RASA2: variants seen among roughly 807,000 people sequenced by gnomAD.
RASA2 encodes ras GTPase-activating protein 2.
A neutral mutation model predicts 118.2 loss-of-function variants in RASA2; 155 were observed. The ratio of observed to expected loss-of-function variants is 1.31; its 90% confidence interval spans 1.15 to 1.50. The LOEUF is 1.50. Among genes scored for constraint, RASA2 ranks in the 40% most tolerant of loss-of-function variants. The probability of loss-of-function intolerance (pLI) is 0.00; values close to 1 mark genes in which losing one functional copy is unlikely to be tolerated. For synonymous variants in RASA2, 353 were observed against 349.1 expected (o/e 1.01, Z -0.12); for missense variants, 1,016 against 1,009.6 (o/e 1.01, Z -0.09).
chr3:141,608,742 A>G (rs754739073), intron 21 of RASA2, 45 bp downstream of exon 21: 2 of 1,542,170 alleles, frequency 1.3e-6, no homozygotes, highest in South Asian at 1.1e-5. Flanking sequence ...AAAATTTGAT[A>G]TATCCATGCA....
At chr3:141,532,952 C>G (rs1160919966) in intron 4 of RASA2, among the ~76,000 whole-genome samples, 1 of 151,816 alleles carries the variant, frequency 6.6e-6, no homozygotes, top group African/African-American at 2.4e-5. Context: ...CAGTCTTTCC[C>G]TCTCATTTTA....
At chr3:141,608,834 A>G in intron 21 of RASA2, 137 bp downstream of exon 21, 1 of 918,508 alleles carries the variant, frequency 1.1e-6, no homozygotes, top group African/African-American at 1.7e-5. Flanking sequence ...AAATTATGCT[A>G]AGTGAAAGAA....
chr3:141,586,366 G>T lies in RASA2; in HGVS notation c.1826+268G>T, dbSNP rs191307424. Among the ~76,000 whole-genome samples the T allele has an allele frequency of 2.2e-3, 340 of 152,166 alleles. 6 individuals are homozygous for T. Among genetic ancestry groups the T allele is most frequent in the Admixed American group, 0.021 (323 of 15,294 alleles). ...CTTTTAAAAAGTAACAGCACTATTA[G>T]TCTTAATGTAAAGTGTTTATTATAA... On this transcript the variant is annotated intron_variant, in intron 18 of 23. Transcript: ENST00000286364.
In RASA2 at chr3:141,529,724, A is replaced by G. The variant is rs1383229717; in HGVS notation, c.372A>G (p.Lys124=). 2.5e-6 allele frequency: 4 copies of G among 1,611,218 alleles called. No homozygotes were observed. In the East Asian group the frequency reaches 8.9e-5, roughly 36 times the overall value. The change falls in exon 4 of 24, where the codon AAA becomes AAG. Residue 124 remains lysine, a synonymous_variant. Transcript: ENST00000286364. ...TTTCTGTAGGAAAAGTAGCCATCAA[A>G]AAAGAAGACTTGTGTAATCACAGTG... ...RDLRIGKVAI[K]KEDLCNHSGK...
intron 1 of RASA2, among the ~76,000 whole-genome samples, chr3:141,493,572 C>G (rs1284016274): frequency 6.6e-6 from 1 of 152,102 alleles, no homozygotes; most frequent in Non-Finnish European, 1.5e-5. Flanking sequence ...GCCACATACC[C>G]TACCTAAATG....
At position 141,571,425 on chromosome 3, in the gene RASA2, C is replaced by T; in HGVS notation, c.1040C>T (p.Ala347Val). ...ATTTAGCCAATATCTGCCTCAGCTGCTTACATTTTGAGTGAAATATGTCGA... is the reference window on the plus strand; with the variant it reads ...ATTTAGCCAATATCTGCCTCAGCTGTTTACATTTTGAGTGAAATATGTCGA... The part of the protein sequence containing the change: ...PDVQPISASA[A>V]YILSEICRDK... The change falls in exon 11 of 24, where the codon GCT becomes GTT. Residue 347 changes from alanine (A) to valine (V), a missense_variant. Coordinates refer to ENST00000286364, the MANE Select transcript of RASA2 (RefSeq NM_006506.5). The T allele has an allele frequency of 6.2e-7, 1 of 1,613,574 alleles. No homozygotes were observed. Among genetic ancestry groups the T allele is most frequent in the Non-Finnish European group, 8.5e-7 (1 of 1,179,804 alleles).
chr3:141,572,568 C>G (rs756854466), intron 11 of RASA2, 41 bp from the exon 12 acceptor site: 1 of 1,431,788 alleles, frequency 7.0e-7, no homozygotes, highest in Admixed American at 1.7e-5. Context: ...GGTTTCAAAA[C>G]CTTTGTTTAC....
intron 16 of RASA2, 100 bp downstream of exon 16, chr3:141,580,551 A>AACAGAC: frequency 1.4e-6 from 1 of 714,402 alleles, no homozygotes; most frequent in Non-Finnish European, 2.3e-6. Flanking sequence ...TTAAAAACAA[A>AACAGAC]ACATACACAC....
At chr3:141,564,007 T>C (rs1168920729) in intron 9 of RASA2, among the ~76,000 whole-genome samples, 4 of 151,564 alleles carry the variant, frequency 2.6e-5, no homozygotes, top group African/African-American at 9.7e-5. Context: ...AGATGAGATA[T>C]TTTGTCTATG....
In RASA2 at chr3:141,609,896, AG is replaced by A; in HGVS notation, c.2350del (p.Val784SerfsTer16). The A allele has an allele frequency of 6.3e-7, 1 of 1,577,886 alleles. No individual in the cohort carries two copies. Among genetic ancestry groups the A allele is most frequent in the Non-Finnish European group, 8.6e-7 (1 of 1,166,520 alleles). ...KMEEACGTIAVYQGPQKEPDD... is the reference protein window; with the variant it reads ...KMEEACGTIAXYQGPQKEPDD... The stretch of plus-strand genomic sequence containing the variant: ...TTGTAGAGGCTTGTGGAACTATTGC[AG>A]TCTATCAAGGACCACAGAAAGAGCC... On this transcript the variant is annotated frameshift_variant, in exon 23 of 24. Coordinates refer to ENST00000286364, the MANE Select transcript of RASA2 (RefSeq NM_006506.5). LOFTEE classifies it high-confidence loss of function.
intron 19 of RASA2, among the ~76,000 whole-genome samples, chr3:141,595,256 A>C (rs1037215603): frequency 2.6e-5 from 4 of 152,262 alleles, no homozygotes; most frequent in African/African-American, 9.6e-5. Flanking sequence ...AAACCCAGCC[A>C]TATCAATAAT....
chr3:141,608,739 G>C (rs1439098122), intron 21 of RASA2, 42 bp downstream of exon 21: 1 of 1,552,214 alleles, frequency 6.4e-7, no homozygotes, highest in Non-Finnish European at 8.9e-7. Context: ...GTCAAAATTT[G>C]ATATATCCAT....
intron 5 of RASA2, among the ~76,000 whole-genome samples, chr3:141,544,416 A>G (rs1193789814): frequency 6.6e-6 from 1 of 152,012 alleles, no homozygotes; most frequent in Non-Finnish European, 1.5e-5. Flanking sequence ...ACAGTCCCAG[A>G]GGTCCCCCTG....
intron 3 of RASA2, among the ~76,000 whole-genome samples, chr3:141,519,386 G>A (rs998489774): frequency 3.3e-5 from 5 of 152,040 alleles, no homozygotes; most frequent in African/African-American, 1.2e-4. Flanking sequence ...ATGTTTATTG[G>A]TATTTACATT....
intron 15 of RASA2, chr3:141,578,931 CT>C (rs2083056917): frequency 2.6e-5 from 4 of 152,076 alleles, no homozygotes; most frequent in Admixed American, 2.6e-4. Context: ...TTGTAGGGAC[CT>C]TTTATAGATG....
intron 23 of RASA2, among the ~76,000 whole-genome samples, chr3:141,611,531 A>C (rs1033315214): frequency 6.6e-6 from 1 of 152,116 alleles, no homozygotes; most frequent in African/African-American, 2.4e-5. Flanking sequence ...TTGATCCTCA[A>C]ATCAGCCCAA....
chr3:141,536,837 T>A (rs893263775), intron 4 of RASA2, among the ~76,000 whole-genome samples: 1 of 149,904 alleles, frequency 6.7e-6, no homozygotes, highest in African/African-American at 2.5e-5. Flanking sequence ...AACCTCTGCC[T>A]CCTGGGTTCA....
At chr3:141,538,185 C>T (rs2082356268) in intron 4 of RASA2, among the ~76,000 whole-genome samples, 1 of 151,888 alleles carries the variant, frequency 6.6e-6, no homozygotes, top group Non-Finnish European at 1.5e-5. Flanking sequence ...ATAAGTAAAA[C>T]TGAACTTTTG....
intron 1 of RASA2, among the ~76,000 whole-genome samples, chr3:141,504,856 T>G (rs2081840341): frequency 6.6e-6 from 1 of 152,172 alleles, no homozygotes. Flanking sequence ...TGCTTATTGC[T>G]TTGTAGCCAT....
Sources: gnomAD v4.1 joint callset for allele counts (sites outside exome capture counted in the v4.1 genomes callset) on GRCh38, gnomAD v4.1.1 for gene constraint, MANE v1.5 for transcripts, NCBI Gene and HGNC (gene_info 2026-07-23, HGNC 2026-07-21) for gene names.